IL5RA: variants seen among roughly 807,000 people sequenced by gnomAD.
IL5RA encodes the protein interleukin-5 receptor subunit alpha.
A neutral mutation model predicts 50.0 loss-of-function variants in IL5RA; 49 were observed. That is an observed-to-expected ratio of 0.98 (90% CI 0.78 to 1.24). IL5RA has a LOEUF of 1.24. IL5RA is among the 50% of genes most tolerant of loss of function. The probability of loss-of-function intolerance (pLI) is 0.00; values close to 1 mark genes in which losing one functional copy is unlikely to be tolerated. For missense variants in IL5RA, 600 were observed against 500.4 expected (o/e 1.20, Z -1.90); for synonymous variants, 202 against 174.0 (o/e 1.16, Z -1.26).
chr3:3,096,880 G>C (rs551524153), intron 7 of IL5RA, among the ~76,000 whole-genome samples: 5 of 152,292 alleles, frequency 3.3e-5, no homozygotes, highest in Non-Finnish European at 5.9e-5. Flanking sequence ...GCCAGGCACT[G>C]TTCTAAGTGC....
chr3:3,073,049 G>C (rs1409594693), intron 11 of IL5RA, among the ~76,000 whole-genome samples: 1 of 152,188 alleles, frequency 6.6e-6, no homozygotes, highest in African/African-American at 2.4e-5. Context: ...GTGAACAAGA[G>C]CAGATGGGCC....
intron 5 of IL5RA, among the ~76,000 whole-genome samples, chr3:3,099,139 G>A (rs1277394634): frequency 6.6e-6 from 1 of 152,208 alleles, no homozygotes; most frequent in African/African-American, 2.4e-5. Flanking sequence ...CAAGATTGCA[G>A]ACTTTGCAGA....
At chr3:3,103,357 A>T (rs1703745810) in intron 3 of IL5RA, among the ~76,000 whole-genome samples, 1 of 152,242 alleles carries the variant, frequency 6.6e-6, no homozygotes, top group Non-Finnish European at 1.5e-5. Context: ...CAATAATAAC[A>T]ATGTATTGGT....
At chr3:3,071,499 T>C (rs1328118807) in intron 11 of IL5RA, among the ~76,000 whole-genome samples, 1 of 152,064 alleles carries the variant, frequency 6.6e-6, no homozygotes, top group Non-Finnish European at 1.5e-5. Context: ...GGATATGCTT[T>C]TTTAGAATAA....
intron 9 of IL5RA, among the ~76,000 whole-genome samples, chr3:3,091,125 TTATACTC>T (rs1703079923): frequency 6.6e-6 from 1 of 152,218 alleles, no homozygotes; most frequent in Non-Finnish European, 1.5e-5. Flanking sequence ...ATGGACCTCT[TTATACTC>T]TATATCTGCT....
In IL5RA at chr3:3,092,315, A is replaced by G; in HGVS notation, c.903T>C (p.Leu301=). ...CTCTCACTTGAACATCGTACTTAGA[A>G]AGATCATCAATTATTGAGATGAATG... ...TNAFISIIDD[L]SKYDVQVRAA... Residue 301 remains leucine, a synonymous_variant, in exon 9 of 12, where the codon CTT becomes CTC. Transcript: ENST00000446632. This position sits in a 1 kb window ranked among gnomAD's most constrained non-coding sequence, Gnocchi z 4.2. The G allele has an allele frequency of 6.2e-7, 1 of 1,613,994 alleles. No homozygotes were observed. The highest frequency in any genetic ancestry group is 1.1e-5 in the South Asian group (1 of 91,082).
At position 3,092,326 on chromosome 3, in the gene IL5RA, T is replaced by G; in HGVS notation, c.892A>C (p.Ile298Leu). ...ACATCGTACTTAGAAAGATCATCAA[T>G]TATTGAGATGAATGCATTGGTCATC... ...KLMTNAFISI[I>L]DDLSKYDVQV... is the part of the protein sequence containing the mutation. Residue 298 changes from isoleucine (I) to leucine (L), a missense_variant, in exon 9 of 12, where the codon ATT becomes CTT. Physicochemically the swap from Ile to Leu is conservative, Grantham distance 5. Coordinates refer to ENST00000446632, the MANE Select transcript of IL5RA (RefSeq NM_175726.4). The surrounding 1 kb of genome is among the most constrained non-coding windows in gnomAD (Gnocchi z 4.2). 6.2e-7 allele frequency: 1 copy of G among 1,613,848 alleles called. No homozygotes were observed. The highest frequency in any genetic ancestry group is 1.1e-5 in the South Asian group (1 of 91,086).
chr3:3,096,017 G>A (rs1024193707), intron 7 of IL5RA, among the ~76,000 whole-genome samples: 3 of 152,286 alleles, frequency 2.0e-5, no homozygotes, highest in Non-Finnish European at 2.9e-5. Context: ...GGGGGCTCAC[G>A]CCTGTAATCC....
At chr3:3,099,658 T>TTTATTATTATTATTATTATTATTATTA (rs10525244) in intron 5 of IL5RA, among the ~76,000 whole-genome samples, 8 of 144,290 alleles carry the variant, frequency 5.5e-5, no homozygotes, top group African/African-American at 2.0e-4. Context: ...TTTTATTTTA[T>TTTATTATTATTATTATTATTATTATTA]TTATTATTAT....
At chr3:3,108,784 G>A (rs536090029) in intron 1 of IL5RA, 93 bp from the exon 2 acceptor site, 1 of 152,354 alleles carries the variant, frequency 6.6e-6, no homozygotes, top group East Asian at 1.9e-4. Context: ...GAGAGCAGCA[G>A]GCTGGGGAGT....
intron 5 of IL5RA, among the ~76,000 whole-genome samples, chr3:3,101,178 C>CAAA (rs10606924): frequency 1.4e-5 from 2 of 142,150 alleles, no homozygotes; most frequent in East Asian, 4.1e-4. Context: ...GATTCTATCT[C>CAAA]AAAAAAAAAA....
intron 9 of IL5RA, among the ~76,000 whole-genome samples, chr3:3,083,104 T>C (rs1702724655): frequency 6.6e-6 from 1 of 152,160 alleles, no homozygotes; most frequent in African/African-American, 2.4e-5. Flanking sequence ...TTAACTAGCT[T>C]CCTGTGACTT....
At chr3:3,085,283 G>T (rs1702808974) in intron 9 of IL5RA, among the ~76,000 whole-genome samples, 1 of 152,212 alleles carries the variant, frequency 6.6e-6, no homozygotes, top group Non-Finnish European at 1.5e-5. Context: ...AGCAATTTCT[G>T]CTACTGTGTA....
At chr3:3,091,579 A>G (rs1030553787) in intron 9 of IL5RA, among the ~76,000 whole-genome samples, 1 of 152,144 alleles carries the variant, frequency 6.6e-6, no homozygotes, top group African/African-American at 2.4e-5. Context: ...TAAAAATACA[A>G]AAATTAGCCA....
intron 9 of IL5RA, chr3:3,090,032 C>G (rs1703023084): frequency 1.7e-6 from 1 of 577,490 alleles, no homozygotes; most frequent in Admixed American, 3.2e-5. Flanking sequence ...GGGGTTAGAG[C>G]CCCATCCCTG....
Position 3,097,464 on chromosome 3 carries a change from G to A in IL5RA, c.709+406C>T, listed in dbSNP as rs17879246. On this transcript the variant is annotated intron_variant, in intron 7 of 11. Coordinates refer to ENST00000446632, the MANE Select transcript of IL5RA (RefSeq NM_175726.4). Reference sequence around the variant, plus strand: ...ACAAAACCTGTCAGAACTCATGAAGGATTAAATGGTCTCTTTTAAGCAGCT... The same window carrying A: ...ACAAAACCTGTCAGAACTCATGAAGAATTAAATGGTCTCTTTTAAGCAGCT... 3.2e-3 allele frequency among the ~76,000 whole-genome samples: 487 copies of A among 152,286 alleles called. 1 individual carries two copies. The highest frequency in any genetic ancestry group is 0.011 in the African/African-American group (459 of 41,554).
In IL5RA at chr3:3,097,979, C is replaced by G; in HGVS notation, c.600G>C (p.Arg200Ser). The G allele has an allele frequency of 6.2e-7, 1 of 1,614,192 alleles. No homozygotes were observed. Among genetic ancestry groups the G allele is most frequent in the Non-Finnish European group, 8.5e-7 (1 of 1,180,034 alleles). The stretch of plus-strand genomic sequence containing the variant: ...CACGCCCTTTGCTGAGGATAAAAGT[C>G]CTGGGAAACCAGCATGCGATATTTC... The part of the protein sequence containing the change: ...LGRNIACWFP[R>S]TFILSKGRDW... Residue 200 changes from arginine to serine, a missense_variant, in exon 7 of 12, where the codon AGG becomes AGC. Physicochemically the swap from Arg to Ser is moderately radical, Grantham distance 110. Coordinates refer to ENST00000446632, the MANE Select transcript of IL5RA (RefSeq NM_175726.4).
At position 3,109,146 on chromosome 3, in the gene IL5RA, C is replaced by CT. The variant is rs201522301; in HGVS notation, c.-145-456dup. Among the ~76,000 whole-genome samples, 933 of 145,436 alleles carry CT rather than the reference C, an allele frequency of 6.4e-3. 11 individuals are homozygous for CT. The highest frequency in any genetic ancestry group is 0.022 in the African/African-American group (897 of 40,918). On this transcript the variant is annotated intron_variant, in intron 1 of 11. Transcript: ENST00000446632. The stretch of plus-strand genomic sequence containing the variant: ...CTCGCTCTGTCTCTCCTTTTTCCCC[C>CT]TTTTTTTTGGTTCCATTTCATCCTT...
chr3:3,100,923 G>A (rs1703615801), intron 5 of IL5RA, among the ~76,000 whole-genome samples: 1 of 151,600 alleles, frequency 6.6e-6, no homozygotes, highest in African/African-American at 2.4e-5. Context: ...GAGGCGGGTG[G>A]ATGGCTGGAG....
Sources: allele counts gnomAD v4.1 joint callset (sites outside exome capture counted in the v4.1 genomes callset), GRCh38; gene constraint gnomAD v4.1.1; non-coding constraint Gnocchi (gnomAD v3.1); transcripts MANE v1.5; gene names NCBI Gene and HGNC (gene_info 2026-07-23, HGNC 2026-07-21).